SP3: variants seen among roughly 807,000 people sequenced by gnomAD.
SP3 encodes the protein Sp3 transcription factor.
In SP3, 10 loss-of-function variants were observed where a neutral mutation model predicts 70.3. The observed-to-expected ratio is 0.14, with a 90% CI of 0.09 to 0.24. The LOEUF is 0.24. SP3 is among the 10% of genes least tolerant of loss of function. The pLI is 1.00. For synonymous variants in SP3, 402 were observed against 333.5 expected, an observed-to-expected ratio of 1.21 and a Z score of -2.24; for missense variants, 825 against 914.6, an observed-to-expected ratio of 0.90 and a Z score of 1.26.
chr2:173,914,302 C>CT (rs1269409037), intron 5 of SP3: 1 of 151,998 alleles, frequency 6.6e-6, no homozygotes, highest in Non-Finnish European at 1.5e-5. Flanking sequence ...ATTTAGCCCC[C>CT]TCCCCAACTC....
chr2:173,907,955 T>A lies in SP3; in HGVS notation c.*1986A>T, dbSNP rs1689375976. The A allele has an allele frequency of 2.0e-5, 3 of 152,030 alleles. No individual in the cohort carries two copies. The South Asian group carries it at 6.2e-4, about 32-fold the overall frequency. 9.4% of individuals were successfully genotyped at this position (152,030 alleles called of 1,614,324 possible). A position where few individuals can be genotyped will look rare whatever the true frequency, so the allele number is the denominator to read the frequency against. ...ATGCAATCAGGTATTACAGACAGAG[T>A]CAGACTGGGCCTGGAAAACAGAAAA... On this transcript the variant is annotated 3_prime_UTR_variant, in exon 7 of 7. Transcript: ENST00000310015.
In SP3 at chr2:173,955,443, T is replaced by A. The variant is rs1690849742; in HGVS notation, c.1069A>T (p.Thr357Ser). 1 of 1,614,006 alleles carries A rather than the reference T, an allele frequency of 6.2e-7. No individual in the cohort carries two copies. The highest frequency in any genetic ancestry group is 1.1e-5 in the South Asian group (1 of 91,086). Residue 357 changes from threonine to serine, a missense_variant, in exon 4 of 7, where the codon ACT (threonine) becomes TCT (serine). This residue lies in a region of SP3 where 678 missense variants were observed against 651.6 expected (regional missense o/e 1.04). Transcript: ENST00000310015. ...GAATGAACCTGCCCACTAGATGTAG[T>A]CAAGCTATTTGTGTTTTGTTGTAAT... is the stretch of plus-strand genomic sequence containing the variant. ...GILQQNTNSL[T>S]TSSGQVHSSD...
chr2:173,931,497 T>C lies in SP3; in HGVS notation c.1640-12712A>G, dbSNP rs146889123. Among the ~76,000 whole-genome samples, 571 of 152,164 alleles carry C rather than the reference T, an allele frequency of 3.8e-3. 5 individuals carry two copies. The highest frequency in any genetic ancestry group is 0.013 in the African/African-American group (541 of 41,526). ...TAGCTAGGACTACAGGTGTGCGCCA[T>C]CATGCCCGGCTAATTTTTGTATTTT... On this transcript the variant is annotated intron_variant, in intron 4 of 6. Coordinates refer to ENST00000310015, the MANE Select transcript of SP3 (RefSeq NM_003111.5).
In SP3 at chr2:173,902,963, G is replaced by A. The variant is rs1238465182; in HGVS notation, c.*6978C>T. Among the ~76,000 whole-genome samples the A allele has an allele frequency of 2.0e-5, 3 of 152,160 alleles. No individual in the cohort carries two copies. The highest frequency in any genetic ancestry group is 2.0e-4 in the Admixed American group (3 of 15,282). On this transcript the variant is annotated 3_prime_UTR_variant, in exon 7 of 7. Transcript: ENST00000310015. ...GTAAAAATAAGACTATAAAAGTTGG[G>A]TGATAGATACTTAGGTATTTGTTAC... is the stretch of plus-strand genomic sequence containing the variant.
rs772286346 is a variant in SP3, at chr2:173,909,451, TAAGTA to T, written c.*485_*489del. The T allele has an allele frequency of 2.0e-5, 3 of 153,310 alleles. No homozygotes were observed. The highest frequency in any genetic ancestry group is 1.5e-5 in the Non-Finnish European group (1 of 68,494). 9.5% of individuals were successfully genotyped at this position (153,310 alleles called of 1,614,324 possible). ...GCTTCAAAATGACAAATTGATAAGC[TAAGTA>T]AAGCCTACACTATGTAACATTTGCT... is the stretch of plus-strand genomic sequence containing the variant. On this transcript the variant is annotated 3_prime_UTR_variant, in exon 7 of 7. Transcript: ENST00000310015.
chr2:173,955,639 A>C lies in SP3; in HGVS notation c.873T>G (p.Asn291Lys). The part of the protein sequence containing the change: ...GSSQTMTAGI[N>K]ADGHLINTGQ... ...CTGTGTTTATCAAATGTCCGTCGGC[A>C]TTAATGCCTGCAGTCATTGTCTGAG... The change falls in exon 4 of 7, where the codon AAT becomes AAG. Residue 291 changes from asparagine to lysine, a missense_variant. By Grantham distance (94) the Asn-to-Lys change is moderately conservative (BLOSUM62 0). Transcript: ENST00000310015. 6.2e-7 allele frequency: 1 copy of C among 1,614,226 alleles called. No homozygotes were observed. The highest frequency in any genetic ancestry group is 8.5e-7 in the Non-Finnish European group (1 of 1,180,032).
chr2:173,947,592 T>C (rs542559704), intron 4 of SP3, among the ~76,000 whole-genome samples: 1 of 152,374 alleles, frequency 6.6e-6, no homozygotes, highest in South Asian at 2.1e-4. Flanking sequence ...ACTTCTTTTC[T>C]ATAGATGCTA....
At chr2:173,920,208 C>T (rs1689714577) in intron 4 of SP3, among the ~76,000 whole-genome samples, 1 of 151,708 alleles carries the variant, frequency 6.6e-6, no homozygotes. Flanking sequence ...AACCATATGA[C>T]ACGTTGGAAA....
intron 3 of SP3, among the ~76,000 whole-genome samples, chr2:173,959,807 C>T (rs1448308295): frequency 2.0e-5 from 3 of 152,170 alleles, no homozygotes; most frequent in Admixed American, 2.0e-4. Context: ...AAGACGAGAA[C>T]TAGTATTTGG....
Position 173,908,973 on chromosome 2 carries a change from T to G in SP3, c.*968A>C, listed in dbSNP as rs545059755. 6.6e-6 allele frequency: 1 copy of G among 152,370 alleles called. No homozygotes were observed. Among genetic ancestry groups the G allele is most frequent in the Admixed American group, 6.5e-5 (1 of 15,276 alleles). The allele number at this position is 152,370 out of a possible 1,614,324, so 9.4% of individuals were successfully genotyped here. On this transcript the variant is annotated 3_prime_UTR_variant, in exon 7 of 7. Transcript: ENST00000310015. ...CTAGTTCTTCTATGACTAATATCCA[T>G]ATGGTTGGAGTATCGTCACTATGGA... is the stretch of plus-strand genomic sequence containing the variant.
At chr2:173,916,243 T>G (rs1689616294) in intron 5 of SP3, 1 of 152,072 alleles carries the variant, frequency 6.6e-6, no homozygotes, top group Admixed American at 6.6e-5. Flanking sequence ...GTCACAAAAG[T>G]TCTAGAAAAA....
intron 5 of SP3, among the ~76,000 whole-genome samples, chr2:173,917,901 C>T (rs1689652328): frequency 6.6e-6 from 1 of 151,834 alleles, no homozygotes; most frequent in African/African-American, 2.4e-5. Flanking sequence ...TTAATACTTG[C>T]CTGATAAATC....
chr2:173,965,054 C>T (rs963043002), intron 1 of SP3, 111 bp downstream of exon 1: 3 of 1,412,838 alleles, frequency 2.1e-6, no homozygotes, highest in African/African-American at 2.9e-5. Flanking sequence ...CTCACAGACA[C>T]TCGGTCGCAC....
chr2:173,915,133 A>G (rs1689589477), intron 5 of SP3: 1 of 152,186 alleles, frequency 6.6e-6, no homozygotes, highest in Admixed American at 6.6e-5. Context: ...ACAGCAACAG[A>G]TCTGGGTTCT....
intron 4 of SP3, among the ~76,000 whole-genome samples, chr2:173,943,336 G>A (rs1294032449): frequency 6.6e-6 from 1 of 151,918 alleles, no homozygotes; most frequent in Non-Finnish European, 1.5e-5. Flanking sequence ...CCTCTTCCTG[G>A]AATACTCTTT....
intron 4 of SP3, among the ~76,000 whole-genome samples, chr2:173,928,503 TAA>T (rs369695925): frequency 6.3e-4 from 87 of 138,038 alleles, no homozygotes; most frequent in Non-Finnish European, 5.9e-4. Flanking sequence ...CTTCCTTCAT[TAA>T]AAAAAAAAAA....
rs1490828122 is a variant in SP3 at position 173,905,272 on chromosome 2, G to A, written c.*4669C>T. Among the ~76,000 whole-genome samples the A allele has an allele frequency of 6.6e-6, 1 of 152,204 alleles. No individual in the cohort carries two copies. The highest frequency in any genetic ancestry group is 6.5e-5 in the Admixed American group (1 of 15,290). Reference sequence around the variant, plus strand: ...ATCTCCAGAGTTAAGGGGGGAGGAAGGCATTGGAAGGAGGTTACCATTTGA... The same window carrying A: ...ATCTCCAGAGTTAAGGGGGGAGGAAAGCATTGGAAGGAGGTTACCATTTGA... On this transcript the variant is annotated 3_prime_UTR_variant, in exon 7 of 7. Transcript: ENST00000310015.
At position 173,955,440 on chromosome 2, in the gene SP3, T is replaced by C. The variant is rs1421933195; in HGVS notation, c.1072A>G (p.Thr358Ala). 8 of 1,614,006 alleles carry C rather than the reference T, an allele frequency of 5.0e-6. No homozygotes were observed. Among genetic ancestry groups the C allele is most frequent in the Middle Eastern group, 3.3e-4 (2 of 6,078 alleles). The part of the protein sequence containing the change: ...ILQQNTNSLT[T>A]SSGQVHSSDL... ...GAAGAATGAACCTGCCCACTAGATG[T>C]AGTCAAGCTATTTGTGTTTTGTTGT... Residue 358 changes from threonine to alanine, a missense_variant, in exon 4 of 7, where the codon ACA (threonine) becomes GCA (alanine). Physicochemically the swap from Thr to Ala is moderately conservative, Grantham distance 58 (BLOSUM62 0). Coordinates refer to ENST00000310015, the MANE Select transcript of SP3 (RefSeq NM_003111.5).
chr2:173,931,468 C>T (rs546277398), intron 4 of SP3, among the ~76,000 whole-genome samples: 5 of 152,124 alleles, frequency 3.3e-5, no homozygotes, highest in Non-Finnish European at 7.4e-5. Context: ...CTCAGCCTCC[C>T]GAGTAGCTAG....
Sources: gnomAD v4.1 joint callset for allele counts (sites outside exome capture counted in the v4.1 genomes callset) on GRCh38, gnomAD v4.1.1 for gene constraint, gnomAD v4.1.1 regional missense constraint, MANE v1.5 for transcripts, NCBI Gene and HGNC (gene_info 2026-07-23, HGNC 2026-07-21) for gene names.